The following BCAR3 variants were observed in gnomAD, a reference collection of about 807,000 sequenced individuals.
BCAR3 encodes breast cancer anti-estrogen resistance protein 3.
Under a neutral mutation model 80.1 loss-of-function variants are expected in BCAR3, and 37 were observed. The observed-to-expected ratio is 0.46, with a 90% CI of 0.36 to 0.61. BCAR3 has a LOEUF of 0.61. Ranked by LOEUF, BCAR3 falls within the 20% of genes least tolerant of loss-of-function variation. The probability of loss-of-function intolerance (pLI) is 0.00; values close to 1 mark genes in which losing one functional copy is unlikely to be tolerated. For synonymous variants in BCAR3, 389 were observed against 418.9 expected (o/e 0.93, Z 0.87); for missense variants, 978 against 1,068.2 (o/e 0.92, Z 1.18).
At chr1:93,688,601 T>C (rs1036336119) in intron 3 of BCAR3, among the ~76,000 whole-genome samples, 11 of 152,184 alleles carry the variant, frequency 7.2e-5, no homozygotes, top group African/African-American at 2.4e-4. Flanking sequence ...ACATTACTTA[T>C]TTATTTATTT....
At chr1:93,578,225 G>A (rs1473029924) in intron 7 of BCAR3, among the ~76,000 whole-genome samples, 4 of 152,076 alleles carry the variant, frequency 2.6e-5, no homozygotes, top group Non-Finnish European at 5.9e-5. Context: ...ATGGGGTCCC[G>A]GCCCAGCCCT....
At chr1:93,828,794 A>C (rs140853782) in intron 2 of BCAR3, among the ~76,000 whole-genome samples, 83 of 152,216 alleles carry the variant, frequency 5.5e-4, no homozygotes, top group South Asian at 3.7e-3. Flanking sequence ...TCCTGGGTTC[A>C]AGCAATCCGT....
At chr1:93,568,874 GTGCAGTGGTGCGA>G (rs2101802979) in intron 9 of BCAR3, among the ~76,000 whole-genome samples, 1 of 152,242 alleles carries the variant, frequency 6.6e-6, no homozygotes, top group South Asian at 2.1e-4. Context: ...CCAGGCTGGG[GTGCAGTGGTGCGA>G]TCACAGCTCA....
intron 3 of BCAR3, among the ~76,000 whole-genome samples, chr1:93,623,626 A>C (rs558512958): frequency 6.6e-6 from 1 of 152,342 alleles, no homozygotes; most frequent in South Asian, 2.1e-4. Flanking sequence ...CAGATGCAAG[A>C]GACTAAGGTC....
Position 93,652,652 on chromosome 1 carries a change from AT to A in BCAR3, c.318-10310del, listed in dbSNP as rs1043741435. Among the ~76,000 whole-genome samples, 13 of 151,530 alleles carry A rather than the reference AT, an allele frequency of 8.6e-5. No homozygotes were observed. The East Asian group carries it at 2.3e-3, about 27-fold the overall frequency. On this transcript the variant is annotated intron_variant, in intron 2 of 11. Transcript: ENST00000260502. ...AATGAAAAGGTTTTTTTTTTTTATA[AT>A]TTTTTTTGGCTTATGCCAATTATGA... is the stretch of plus-strand genomic sequence containing the variant.
chr1:93,584,216 AAAG>A, intron 5 of BCAR3, 95 bp from the exon 6 acceptor site: 1 of 1,106,660 alleles, frequency 9.0e-7, no homozygotes, highest in East Asian at 2.5e-5. Context: ...AAACAAAAAA[AAAG>A]AAAACTGCTC....
At chr1:93,724,069 TG>T (rs1650497537) in intron 2 of BCAR3, among the ~76,000 whole-genome samples, 2 of 152,066 alleles carry the variant, frequency 1.3e-5, no homozygotes, top group Admixed American at 6.6e-5. Flanking sequence ...ATGAACAGGT[TG>T]GGGGGCAACA....
chr1:93,571,184 A>G (rs910453090), intron 9 of BCAR3, among the ~76,000 whole-genome samples: 4 of 151,142 alleles, frequency 2.6e-5, no homozygotes, highest in African/African-American at 9.8e-5. Context: ...AGCCTGGACA[A>G]CAGAGCGAGA....
chr1:93,562,768 C>CAAAAAAAAAAAAAAA (rs35374992), intron 11 of BCAR3, among the ~76,000 whole-genome samples: 1 of 76,898 alleles, frequency 1.3e-5, no homozygotes, highest in African/African-American at 5.6e-5. Flanking sequence ...GACTCCATCT[C>CAAAAAAAAAAAAAAA]AAAAAAAAAA....
intron 2 of BCAR3, among the ~76,000 whole-genome samples, chr1:93,773,815 A>T (rs919577494): frequency 4.6e-5 from 7 of 151,738 alleles, no homozygotes; most frequent in Non-Finnish European, 4.4e-5. Context: ...TCCTTTTTTT[A>T]AAAATAAAAA....
intron 5 of BCAR3, 120 bp downstream of exon 5, chr1:93,588,857 C>T: frequency 2.7e-6 from 3 of 1,120,002 alleles, no homozygotes; most frequent in Admixed American, 2.8e-5. Flanking sequence ...ATTCTGCGAA[C>T]AGTCGGCATT....
At chr1:93,572,341 A>G (rs1249978228) in intron 8 of BCAR3, among the ~76,000 whole-genome samples, 2 of 152,244 alleles carry the variant, frequency 1.3e-5, no homozygotes, top group African/African-American at 4.8e-5. Flanking sequence ...ATCAGAACAA[A>G]GGCAGGAAAG....
rs139173430 is a variant in BCAR3, at chr1:93,758,769, A to G, written c.-62-52627T>C. ...CAGTGTGGTTCTCTGCTCTGTGTTC[A>G]CCCCCTGGGTATCACTGCCACCTAT... On this transcript the variant is annotated intron_variant, in intron 2 of 13. Transcript: ENST00000370244. Among the ~76,000 whole-genome samples the G allele has an allele frequency of 3.1e-3, 465 of 152,098 alleles. 3 individuals are homozygous for G. The highest frequency in any genetic ancestry group is 0.011 in the African/African-American group (443 of 41,498).
intron 2 of BCAR3, chr1:93,720,265 G>C (rs575642614): frequency 7.2e-5 from 11 of 152,344 alleles, no homozygotes; most frequent in South Asian, 6.2e-4. Flanking sequence ...CCTGCACATT[G>C]CATCTCTGAA....
At chr1:93,805,425 C>T (rs1653624395) in intron 2 of BCAR3, among the ~76,000 whole-genome samples, 1 of 152,190 alleles carries the variant, frequency 6.6e-6, no homozygotes, top group South Asian at 2.1e-4. Flanking sequence ...CAGCAGTTGA[C>T]ACCCTCGCTT....
chr1:93,816,670 CAAAAAAA>C (rs60051218), intron 2 of BCAR3, among the ~76,000 whole-genome samples: 12 of 53,892 alleles, frequency 2.2e-4, no homozygotes, highest in South Asian at 1.0e-3. Flanking sequence ...GACTCCATCT[CAAAAAAA>C]AAAAAAAAAA....
At chr1:93,565,285 C>CTAAG (rs752734433) in intron 11 of BCAR3, among the ~76,000 whole-genome samples, 95 of 152,254 alleles carry the variant, frequency 6.2e-4, no homozygotes, top group Non-Finnish European at 1.3e-3. Flanking sequence ...AGGCTGGCCT[C>CTAAG]TAAGTCCTGA....
intron 2 of BCAR3, among the ~76,000 whole-genome samples, chr1:93,643,171 G>A (rs1485393283): frequency 1.3e-5 from 2 of 149,242 alleles, no homozygotes; most frequent in Non-Finnish European, 3.0e-5. Flanking sequence ...AGGTTGCGGC[G>A]AGCCAAGATC....
At chr1:93,584,941 A>G (rs752693902) in intron 5 of BCAR3, 106 of 964,690 alleles carry the variant, frequency 1.1e-4, no homozygotes, top group Non-Finnish European at 1.2e-4. Flanking sequence ...AAACATTGTT[A>G]TGTTACAGAA....
Sources: allele counts gnomAD v4.1 joint callset (sites outside exome capture counted in the v4.1 genomes callset), GRCh38; gene constraint gnomAD v4.1.1; transcripts MANE v1.5; gene names NCBI Gene and HGNC (gene_info 2026-07-23, HGNC 2026-07-21).